Variants in RLF observed in about 807,000 individuals in gnomAD.
RLF encodes RLF zinc finger, also known as zinc finger protein Rlf.
Under a neutral mutation model 162.9 loss-of-function variants are expected in RLF, and 7 were observed. That is an observed-to-expected ratio of 0.04 (90% CI 0.02 to 0.08). RLF has a LOEUF of 0.08. Among genes scored for constraint, RLF ranks in the 10% least tolerant of loss-of-function variants. RLF has a pLI of 1.00. For synonymous variants in RLF, 782 were observed against 791.5 expected (o/e 0.99, Z 0.20); for missense variants, 1,664 against 2,244.7 (o/e 0.74, Z 5.23).
intron 1 of RLF, among the ~76,000 whole-genome samples, chr1:40,163,551 CAGA>C (rs1286430567): frequency 6.6e-6 from 1 of 152,052 alleles, no homozygotes; most frequent in Non-Finnish European, 1.5e-5. Flanking sequence ...TGTGATGGCC[CAGA>C]AGAATTTTTA....
chr1:40,205,806 A>C (rs1642784705), intron 5 of RLF, among the ~76,000 whole-genome samples: 1 of 151,878 alleles, frequency 6.6e-6, no homozygotes, highest in Admixed American at 6.6e-5. Context: ...TTCTTCTTTC[A>C]AGACATTCTA....
intron 5 of RLF, among the ~76,000 whole-genome samples, chr1:40,215,049 A>G (rs1642908765): frequency 6.6e-6 from 1 of 152,150 alleles, no homozygotes; most frequent in African/African-American, 2.4e-5. Flanking sequence ...CAGCAACTCA[A>G]GTTAATTCAC....
intron 1 of RLF, among the ~76,000 whole-genome samples, chr1:40,179,470 G>T (rs1206783351): frequency 6.6e-6 from 1 of 151,414 alleles, no homozygotes; most frequent in African/African-American, 2.4e-5. Flanking sequence ...AGCCCCCGTC[G>T]TCTTCCTTTT....
chr1:40,208,673 C>T (rs1344137783), intron 5 of RLF, among the ~76,000 whole-genome samples: 1 of 132,896 alleles, frequency 7.5e-6, no homozygotes. Flanking sequence ...CAGAACTTAG[C>T]TGGGCGTGGT....
rs775478101 is a variant in RLF at position 40,236,691 on chromosome 1, C to G, written c.1989C>G (p.Cys663Trp). 6.2e-7 allele frequency: 1 copy of G among 1,613,882 alleles called. No individual in the cohort carries two copies. Among genetic ancestry groups the G allele is most frequent in the Non-Finnish European group, 8.5e-7 (1 of 1,179,994 alleles). ...TCACATTCAGCAAATTAGAAGATTG[C>G]CACCTGCAAGACAGAGATTTGTATC... ...EYVTFSKLED[C>W]HLQDRDLYPC... Residue 663 changes from cysteine (C) to tryptophan (W), a missense_variant, in exon 8 of 8, where the codon TGC becomes TGG. Transcript: ENST00000372771. This position sits in a 1 kb window ranked among gnomAD's most constrained non-coding sequence, Gnocchi z 7.7.
rs771929456 is a variant in RLF at position 40,239,833 on chromosome 1, A to G, written c.5131A>G (p.Thr1711Ala). The G allele has an allele frequency of 1.2e-6, 2 of 1,614,096 alleles. No homozygotes were observed. The highest frequency in any genetic ancestry group is 1.7e-5 in the Admixed American group (1 of 60,020). The change falls in exon 8 of 8, where the codon ACT (threonine) becomes GCT (alanine). Residue 1711 changes from threonine to alanine, a missense_variant. Physicochemically the swap from Thr to Ala is moderately conservative, Grantham distance 58 (BLOSUM62 0). Coordinates refer to ENST00000372771, the MANE Select transcript of RLF (RefSeq NM_012421.4). ...IPNPNGTESG[T>A]YFTSFQLPLP... is the part of the protein sequence containing the mutation. Reference sequence around the variant, plus strand: ...TAATCCCAATGGGACTGAAAGTGGGACTTATTTCACAAGTTTCCAGCTGCC... The same window carrying G: ...TAATCCCAATGGGACTGAAAGTGGGGCTTATTTCACAAGTTTCCAGCTGCC...
chr1:40,163,945 A>G (rs1008295599), intron 1 of RLF, among the ~76,000 whole-genome samples: 1 of 152,218 alleles, frequency 6.6e-6, no homozygotes, highest in African/African-American at 2.4e-5. Flanking sequence ...AAAAGTAAAA[A>G]TTGTATGAAG....
rs377637032 is a variant in RLF at position 40,224,047 on chromosome 1, ATAAAT to A, written c.947+1343_947+1347del. Among the ~76,000 whole-genome samples, 179 of 152,370 alleles carry A rather than the reference ATAAAT, an allele frequency of 1.2e-3. 4 individuals carry two copies. The South Asian group carries it at 0.024, about 20-fold the overall frequency. ...TATAGCTAGGTTTTCAGTACGAATA[ATAAAT>A]TAAATCATATATAGAATGTGTTATA... On this transcript the variant is annotated intron_variant, in intron 6 of 7. Transcript: ENST00000372771.
intron 5 of RLF, among the ~76,000 whole-genome samples, chr1:40,219,613 C>T (rs779136093): frequency 2.6e-5 from 4 of 152,076 alleles, no homozygotes; most frequent in South Asian, 2.1e-4. Flanking sequence ...AAACTAGTTC[C>T]GCCTTCACAA....
Position 40,239,352 on chromosome 1 carries a change from C to A in RLF, c.4650C>A (p.Pro1550=), listed in dbSNP as rs1228987043. 1.2e-6 allele frequency: 2 copies of A among 1,613,900 alleles called. No individual in the cohort carries two copies. Among genetic ancestry groups the A allele is most frequent in the African/African-American group, 2.7e-5 (2 of 74,894 alleles). The change falls in exon 8 of 8, where the codon CCC becomes CCA. Residue 1550 remains proline, a synonymous_variant. Coordinates refer to ENST00000372771, the MANE Select transcript of RLF (RefSeq NM_012421.4). ...AGCACTCTGAGCACACACAGTACCC[C>A]TGCATGGTTCAAGGATGCTTATCTG... The part of the protein sequence containing the change: ...CVEHSEHTQY[P]CMVQGCLSVV...
chr1:40,223,296 G>A (rs1315993814), intron 6 of RLF, among the ~76,000 whole-genome samples: 1 of 152,088 alleles, frequency 6.6e-6, no homozygotes, highest in African/African-American at 2.4e-5. Flanking sequence ...ATCTATTTAG[G>A]CCAAAGGGAC....
At position 40,239,618 on chromosome 1, in the gene RLF, C is replaced by T; in HGVS notation, c.4916C>T (p.Thr1639Ile). 1 of 1,614,188 alleles carries T rather than the reference C, an allele frequency of 6.2e-7. No homozygotes were observed. Among genetic ancestry groups the T allele is most frequent in the Non-Finnish European group, 8.5e-7 (1 of 1,180,038 alleles). Residue 1639 changes from threonine to isoleucine, a missense_variant, in exon 8 of 8, where the codon ACT (threonine) becomes ATT (isoleucine). Transcript: ENST00000372771. ...GACAGTAGTGCACCCATCCAGAACA[C>T]TGATTGCTGTCATTCAAGTGAAAGG... ...PGDSSAPIQN[T>I]DCCHSSERDG...
rs180741408 is a variant in RLF at position 40,197,292 on chromosome 1, T to C, written c.607+1528T>C. Reference sequence around the variant, plus strand: ...AAAGATTGGTGTTTATAGTTTTCCATTGAGGTCCTCAATAAACGGCATCCC... The same window carrying C: ...AAAGATTGGTGTTTATAGTTTTCCACTGAGGTCCTCAATAAACGGCATCCC... On this transcript the variant is annotated intron_variant, in intron 4 of 7. Transcript: ENST00000372771. Among the ~76,000 whole-genome samples, 135 of 152,336 alleles carry C rather than the reference T, an allele frequency of 8.9e-4. 1 individual carries two copies. The highest frequency in any genetic ancestry group is 3.2e-3 in the African/African-American group (132 of 41,582).
chr1:40,233,769 T>C (rs1192754378), intron 7 of RLF, among the ~76,000 whole-genome samples: 2 of 152,226 alleles, frequency 1.3e-5, no homozygotes, highest in African/African-American at 4.8e-5. Context: ...TAGGGAGTTA[T>C]CTCAATTGAT....
At chr1:40,186,283 T>TA (rs199540967) in intron 1 of RLF, among the ~76,000 whole-genome samples, 4 of 151,170 alleles carry the variant, frequency 2.6e-5, no homozygotes, top group African/African-American at 4.9e-5. Context: ...TATCTCAATT[T>TA]AAAAAAAAAG....
At chr1:40,202,384 A>G in intron 4 of RLF, 28 bp from the exon 5 acceptor site, 1 of 1,478,022 alleles carries the variant, frequency 6.8e-7, no homozygotes, top group Non-Finnish European at 9.2e-7. Flanking sequence ...GTATGTTGTC[A>G]AACTGTTTTA....
rs34756935 is a variant in RLF at position 40,214,918 on chromosome 1, C to CAAAAAAAA, written c.811-7636_811-7629dup. Among the ~76,000 whole-genome samples, 139 of 14,396 alleles carry CAAAAAAAA rather than the reference C, an allele frequency of 9.7e-3. 14 individuals are homozygous for CAAAAAAAA. Among genetic ancestry groups the CAAAAAAAA allele is most frequent in the Non-Finnish European group, 0.014 (97 of 6,986 alleles). 9.4% of individuals were successfully genotyped at this position (14,396 alleles called of 152,430 possible). The stretch of plus-strand genomic sequence containing the variant: ...CACCTGGACAAGAGTGAGCCTGTCT[C>CAAAAAAAA]AAAAAAAAAAAAAAAAAAAAAAAAA... On this transcript the variant is annotated intron_variant, in intron 5 of 7. Transcript: ENST00000372771.
rs115174777 is a variant in RLF, at chr1:40,193,958, G to A, written c.475-1674G>A. Among the ~76,000 whole-genome samples, 1,184 of 152,198 alleles carry A rather than the reference G, an allele frequency of 7.8e-3. 18 individuals carry two copies. Among genetic ancestry groups the A allele is most frequent in the African/African-American group, 0.027 (1,123 of 41,518 alleles). The stretch of plus-strand genomic sequence containing the variant: ...CTTATGTTCCTAGAGAATTTCAGGA[G>A]TTTAAAATAAGGGAAACAAATTAGA... On this transcript the variant is annotated intron_variant, in intron 3 of 7. Coordinates refer to ENST00000372771, the MANE Select transcript of RLF (RefSeq NM_012421.4).
At chr1:40,170,944 T>C (rs1422635330) in intron 1 of RLF, among the ~76,000 whole-genome samples, 1 of 152,128 alleles carries the variant, frequency 6.6e-6, no homozygotes, top group Non-Finnish European at 1.5e-5. Context: ...GCTATTGTTA[T>C]TATTATTAGT....
Sources: allele counts gnomAD v4.1 joint callset (sites outside exome capture counted in the v4.1 genomes callset), GRCh38; gene constraint gnomAD v4.1.1; non-coding constraint Gnocchi (gnomAD v3.1); transcripts MANE v1.5; gene names NCBI Gene and HGNC (gene_info 2026-07-23, HGNC 2026-07-21).